The following NDE1 variants were observed in gnomAD, a reference collection of about 807,000 sequenced individuals.
NDE1 encodes nudE neurodevelopment protein 1, also known as nuclear distribution protein nudE homolog 1.
In NDE1, 28 loss-of-function variants were observed where a neutral mutation model predicts 43.4. The observed-to-expected ratio is 0.65, with a 90% CI of 0.48 to 0.89. The LOEUF (loss-of-function observed/expected upper bound fraction) is 0.89. NDE1 is among the 40% of genes least tolerant of loss of function. The pLI, the probability that NDE1 is intolerant of heterozygous loss-of-function variation, is 0.00. For synonymous variants in NDE1, 184 were observed against 172.0 expected (o/e 1.07, Z -0.55); for missense variants, 441 against 434.1 (o/e 1.02, Z -0.14).
intron 1 of NDE1, among the ~76,000 whole-genome samples, chr16:15,661,741 G>A (rs1170529821): frequency 6.6e-6 from 1 of 152,076 alleles, no homozygotes; most frequent in African/African-American, 2.4e-5. Flanking sequence ...ACTGCACCCA[G>A]CCACCTTCTG....
In NDE1 at chr16:15,663,605, G is replaced by A. The variant is rs149927466; in HGVS notation, c.-43-1131G>A. 6.3e-3 allele frequency among the ~76,000 whole-genome samples: 960 copies of A among 152,080 alleles called. 4 individuals are homozygous for A. The highest frequency in any genetic ancestry group is 0.01 in the Non-Finnish European group (695 of 68,008). ...TTCTAGGAAGCCTTCCTTGACTTTC[G>A]GGTTGAGTTTTGAACTTCTTAAATA... On this transcript the variant is annotated intron_variant, in intron 1 of 8. Coordinates refer to ENST00000396354, the MANE Select transcript of NDE1 (RefSeq NM_017668.3).
At chr16:15,688,427 G>T (rs1451367097) in intron 5 of NDE1, among the ~76,000 whole-genome samples, 1 of 151,796 alleles carries the variant, frequency 6.6e-6, no homozygotes, top group Non-Finnish European at 1.5e-5. Flanking sequence ...CTGAGCTCAG[G>T]AGTTTGAGAC....
intron 7 of NDE1, among the ~76,000 whole-genome samples, chr16:15,695,150 C>T (rs2038948965): frequency 6.7e-6 from 1 of 150,010 alleles, no homozygotes. Flanking sequence ...CAACACTGCA[C>T]TCCATCCTGG....
chr16:15,647,949 C>T (rs1019896969), upstream of NDE1, among the ~76,000 whole-genome samples: 1 of 150,764 alleles, frequency 6.6e-6, no homozygotes, highest in African/African-American at 2.4e-5. Flanking sequence ...GGGAGGATCA[C>T]TTGAGCCTGG....
chr16:15,717,582 C>T (rs1384958665), intron 8 of NDE1: 1 of 592,968 alleles, frequency 1.7e-6, no homozygotes, highest in Non-Finnish European at 3.0e-6. Context: ...ATCACTTGAG[C>T]TCAGGAGTTC....
rs1265003834 is a variant in NDE1 at position 15,725,634 on chromosome 16, G to T, written c.*1383G>T. 4 of 400,922 alleles carry T rather than the reference G, an allele frequency of 1.0e-5. No individual in the cohort carries two copies. Among genetic ancestry groups the T allele is most frequent in the Non-Finnish European group, 1.8e-5 (4 of 227,632 alleles). 24.8% of individuals were successfully genotyped at this position (400,922 alleles called of 1,614,324 possible). On this transcript the variant is annotated 3_prime_UTR_variant, in exon 9 of 9. Coordinates refer to ENST00000396354, the MANE Select transcript of NDE1 (RefSeq NM_017668.3). ...TGAATGATCTTGACACTGCTTATAT[G>T]AGGGCGGCAAAAGCCCTGCTCTCAA...
chr16:15,691,454 G>A, intron 6 of NDE1, 131 bp downstream of exon 6: 1 of 1,050,872 alleles, frequency 9.5e-7, no homozygotes. Context: ...GCTTTGAGCA[G>A]AGAGTAGACT....
At chr16:15,659,562 G>T (rs1043583440) in intron 1 of NDE1, among the ~76,000 whole-genome samples, 2 of 143,794 alleles carry the variant, frequency 1.4e-5, no homozygotes, top group African/African-American at 2.6e-5. Context: ...TCAGCCTCCC[G>T]AGTAGTGGGG....
intron 6 of NDE1, among the ~76,000 whole-genome samples, chr16:15,693,038 T>C (rs1259918077): frequency 6.6e-6 from 1 of 151,150 alleles, no homozygotes; most frequent in African/African-American, 2.4e-5. Flanking sequence ...TCTTGCTCTG[T>C]CGGCCAGGCT....
At chr16:15,724,073 C>T (rs2040621219) in intron 8 of NDE1, 118 bp from the exon 9 acceptor site, 1 of 1,596,922 alleles carries the variant, frequency 6.3e-7, no homozygotes, top group Non-Finnish European at 8.5e-7. Context: ...GATGCAGGCA[C>T]AGGCCAGAGC....
rs778782812 is a variant in NDE1 at position 15,719,294 on chromosome 16, A to C, written c.948-4897A>C. On this transcript the variant is annotated intron_variant, in intron 8 of 8. Coordinates refer to ENST00000396354, the MANE Select transcript of NDE1 (RefSeq NM_017668.3). ...GGTCCGCTTGTTTGCGAGCCCTCTC[A>C]GCGGCGGCGAGGTCCTAGGTGGGAG... is the stretch of plus-strand genomic sequence containing the variant. The C allele has an allele frequency of 1.2e-6, 2 of 1,611,678 alleles. No individual in the cohort carries two copies. Among genetic ancestry groups the C allele is most frequent in the Admixed American group, 3.3e-5 (2 of 60,000 alleles).
chr16:15,724,316 G>A lies in NDE1; in HGVS notation c.*65G>A. The stretch of plus-strand genomic sequence containing the variant: ...GCCTTCTCCTCGTACTGCTGGGTGA[G>A]GTTCTCGATCTCCTTCTGGAACCTC... On this transcript the variant is annotated 3_prime_UTR_variant, in exon 9 of 9. Transcript: ENST00000396354. 1.2e-6 allele frequency: 2 copies of A among 1,614,152 alleles called. No individual in the cohort carries two copies. Among genetic ancestry groups the A allele is most frequent in the Non-Finnish European group, 1.7e-6 (2 of 1,180,030 alleles).
At position 15,643,928 on chromosome 16, in the gene NDE1, G is replaced by A. The variant is rs1596528586; in HGVS notation, c.-166+1G>A. ...GGGCGAGCAGAAAGGAAATCTTACGGTTAGTTTCAAACACTTTGTGTTTTA... is the reference window on the plus strand; with the variant it reads ...GGGCGAGCAGAAAGGAAATCTTACGATTAGTTTCAAACACTTTGTGTTTTA... On this transcript the variant is annotated splice_donor_variant, in intron 1 of 9. Coordinates refer to the NDE1 transcript ENST00000396355. LOFTEE classifies it low-confidence loss of function (5UTR_SPLICE). 1.3e-5 allele frequency: 2 copies of A among 152,668 alleles called. No individual in the cohort carries two copies. Among genetic ancestry groups the A allele is most frequent in the Non-Finnish European group, 1.5e-5 (1 of 68,212 alleles). The allele number at this position is 152,668 out of a possible 1,614,324, so 9.5% of individuals were successfully genotyped here.
In NDE1 at chr16:15,725,481, G is replaced by C; in HGVS notation, c.*1230G>C. On this transcript the variant is annotated 3_prime_UTR_variant, in exon 9 of 9. Coordinates refer to ENST00000396354, the MANE Select transcript of NDE1 (RefSeq NM_017668.3). Reference sequence around the variant, plus strand: ...TCTTTGACCCTGATGGCCAAAGCCAGAGACGCAGGCCCTAAAGGTAAAAAC... The same window carrying C: ...TCTTTGACCCTGATGGCCAAAGCCACAGACGCAGGCCCTAAAGGTAAAAAC... 2.3e-6 allele frequency: 1 copy of C among 430,826 alleles called. No homozygotes were observed. The highest frequency in any genetic ancestry group is 4.1e-6 in the Non-Finnish European group (1 of 245,460). The allele number at this position is 430,826 out of a possible 1,614,324, so 26.7% of individuals were successfully genotyped here. A position where few individuals can be genotyped will look rare whatever the true frequency, so the allele number is the denominator to read the frequency against.
upstream of NDE1, among the ~76,000 whole-genome samples, chr16:15,646,136 G>A (rs1378243505): frequency 6.6e-6 from 1 of 152,076 alleles, no homozygotes; most frequent in African/African-American, 2.4e-5. Context: ...GGAAAATTTG[G>A]GAAATTGAGA....
chr16:15,692,415 G>T (rs2038799687), intron 6 of NDE1, among the ~76,000 whole-genome samples: 1 of 152,124 alleles, frequency 6.6e-6, no homozygotes, highest in Non-Finnish European at 1.5e-5. Context: ...GAGCCCTTCT[G>T]TTTAGTTTTG....
chr16:15,721,159 TC>T, intron 8 of NDE1: 1 of 1,238,416 alleles, frequency 8.1e-7, no homozygotes, highest in South Asian at 1.3e-5. Flanking sequence ...GGCTTTGGCC[TC>T]CCACAGGATG....
chr16:15,651,093 T>G (rs991556077), intron 1 of NDE1, among the ~76,000 whole-genome samples: 1 of 152,158 alleles, frequency 6.6e-6, no homozygotes, highest in Admixed American at 6.5e-5. Context: ...TGACACCGCT[T>G]TTGGGGAGGC....
intron 8 of NDE1, among the ~76,000 whole-genome samples, chr16:15,705,264 G>A (rs1799444418): frequency 1.3e-5 from 2 of 152,220 alleles, no homozygotes; most frequent in African/African-American, 2.4e-5. Context: ...TTACAGGTGT[G>A]TGCCAGTGCA....
Sources: allele counts gnomAD v4.1 joint callset (sites outside exome capture counted in the v4.1 genomes callset), GRCh38; gene constraint gnomAD v4.1.1; transcripts MANE v1.5; gene names NCBI Gene and HGNC (gene_info 2026-07-23, HGNC 2026-07-21).